The following SRD5A1 variants were observed in gnomAD, a reference collection of about 807,000 sequenced individuals.
SRD5A1 encodes the protein steroid 5 alpha-reductase 1.
Under a neutral mutation model 28.2 loss-of-function variants are expected in SRD5A1, and 22 were observed. The observed-to-expected ratio is 0.78, with a 90% CI of 0.56 to 1.12. The LOEUF (loss-of-function observed/expected upper bound fraction) is 1.12, where lower values mean the gene tolerates loss of function less well. SRD5A1 is among the 50% of genes most tolerant of loss of function. The pLI, the probability that SRD5A1 is intolerant of heterozygous loss-of-function variation, is 0.00. For synonymous variants in SRD5A1, 151 were observed against 135.0 expected, an observed-to-expected ratio of 1.12 and a Z score of -0.82; for missense variants, 300 against 346.7, an observed-to-expected ratio of 0.87 and a Z score of 1.07.
chr5:6,637,493 T>TG (rs1375441806), intron 1 of SRD5A1, among the ~76,000 whole-genome samples: 1 of 152,130 alleles, frequency 6.6e-6, no homozygotes. Flanking sequence ...TCGGAGTCGC[T>TG]GGGGGGCTTT....
chr5:6,662,666 G>A (rs962892138), intron 3 of SRD5A1, 150 bp from the exon 4 acceptor site: 77 of 810,718 alleles, frequency 9.5e-5, no homozygotes, highest in African/African-American at 4.5e-4. Flanking sequence ...ACCATGTAAC[G>A]CTGGATATGT....
intron 2 of SRD5A1, among the ~76,000 whole-genome samples, chr5:6,654,434 T>TTTTTTTG (rs1554001872): frequency 1.4e-4 from 21 of 151,458 alleles, no homozygotes; most frequent in African/African-American, 3.6e-4. Context: ...TAAGTTTTTT[T>TTTTTTTG]TTTGTTTGTT....
chr5:6,662,336 T>C (rs1739032507), intron 3 of SRD5A1, among the ~76,000 whole-genome samples: 1 of 152,216 alleles, frequency 6.6e-6, no homozygotes, highest in African/African-American at 2.4e-5. Flanking sequence ...CTGGAGTTCA[T>C]GGTTCTAGAT....
chr5:6,648,154 G>T (rs1177862045), intron 1 of SRD5A1, among the ~76,000 whole-genome samples: 1 of 152,186 alleles, frequency 6.6e-6, no homozygotes, highest in Non-Finnish European at 1.5e-5. Context: ...TCTGCTGTTA[G>T]TCTGATGGGC....
intron 2 of SRD5A1, among the ~76,000 whole-genome samples, chr5:6,654,505 C>T (rs1262782980): frequency 6.6e-6 from 1 of 152,150 alleles, no homozygotes; most frequent in African/African-American, 2.4e-5. Flanking sequence ...GTGATCTTGG[C>T]TCATGGCAAC....
chr5:6,660,139 G>T (rs763120711), intron 3 of SRD5A1, among the ~76,000 whole-genome samples: 1 of 152,162 alleles, frequency 6.6e-6, no homozygotes. Flanking sequence ...CTGAACTAGG[G>T]CTTAGGACAA....
chr5:6,633,822 G>A lies in SRD5A1; in HGVS notation c.246G>A (p.Ala82=). The change falls in exon 1 of 5, where the codon GCG becomes GCA. Residue 82 remains alanine (A), a synonymous_variant. Coordinates refer to ENST00000274192, the MANE Select transcript of SRD5A1 (RefSeq NM_001047.4). ...ASESAPRLRS[A]PNCILLAMFL... ...AGTCCGCCCCGCGTCTCCGCAGCGCGCCCAACTGCATCCTCCTGGCCATGT... is the reference window on the plus strand; with the variant it reads ...AGTCCGCCCCGCGTCTCCGCAGCGCACCCAACTGCATCCTCCTGGCCATGT... 6.3e-6 allele frequency: 10 copies of A among 1,597,850 alleles called. No homozygotes were observed. Among genetic ancestry groups the A allele is most frequent in the Non-Finnish European group, 8.5e-6 (10 of 1,179,656 alleles).
intron 1 of SRD5A1, among the ~76,000 whole-genome samples, chr5:6,638,483 G>T (rs1399450708): frequency 6.6e-6 from 1 of 152,240 alleles, no homozygotes; most frequent in African/African-American, 2.4e-5. Context: ...AGTTCCGGAG[G>T]TTAGTGGGTG....
chr5:6,648,023 A>G (rs1237275395), intron 1 of SRD5A1, among the ~76,000 whole-genome samples: 1 of 152,140 alleles, frequency 6.6e-6, no homozygotes, highest in East Asian at 1.9e-4. Context: ...TCCTTCACTT[A>G]TGAAGCTTAG....
chr5:6,641,129 C>T (rs1738344282), intron 1 of SRD5A1, among the ~76,000 whole-genome samples: 1 of 152,154 alleles, frequency 6.6e-6, no homozygotes, highest in Admixed American at 6.5e-5. Context: ...CAGGTGCACC[C>T]ACCTTCCTTG....
At chr5:6,645,095 C>T (rs1738470886) in intron 1 of SRD5A1, 1 of 420,494 alleles carries the variant, frequency 2.4e-6, no homozygotes, top group Non-Finnish European at 4.8e-6. Context: ...ACCTTGGAGG[C>T]TGCTTTTGAC....
chr5:6,651,715 T>C, intron 1 of SRD5A1, 127 bp from the exon 2 acceptor site: 5 of 874,912 alleles, frequency 5.7e-6, no homozygotes, highest in Non-Finnish European at 8.6e-6. Flanking sequence ...TAAATTAGTA[T>C]AAATGTTACT....
chr5:6,665,614 A>G (rs1049608628), intron 4 of SRD5A1, among the ~76,000 whole-genome samples: 1 of 152,166 alleles, frequency 6.6e-6, no homozygotes, highest in Non-Finnish European at 1.5e-5. Flanking sequence ...CCATCCTTTT[A>G]TATTCCTAAT....
intron 3 of SRD5A1, among the ~76,000 whole-genome samples, chr5:6,660,801 A>C (rs1738977964): frequency 6.6e-6 from 1 of 152,212 alleles, no homozygotes; most frequent in Admixed American, 6.5e-5. Context: ...GTAATTTATG[A>C]AGAGAAAATG....
chr5:6,666,808 C>T (rs904628409), intron 4 of SRD5A1, among the ~76,000 whole-genome samples: 3 of 152,172 alleles, frequency 2.0e-5, no homozygotes, highest in Non-Finnish European at 4.4e-5. Flanking sequence ...TGGGGGGGCG[C>T]GTTTTCTCGG....
chr5:6,637,082 C>T (rs508415), intron 1 of SRD5A1, among the ~76,000 whole-genome samples: 25,859 of 151,996 alleles, frequency 0.17, 2,430 homozygotes, highest in East Asian at 0.23. Flanking sequence ...GATCCCAGGG[C>T]GCTTGGGTTC....
chr5:6,640,425 C>T (rs879579352), intron 1 of SRD5A1, among the ~76,000 whole-genome samples: 2 of 152,198 alleles, frequency 1.3e-5, no homozygotes, highest in African/African-American at 4.8e-5. Context: ...ACTCTCAGTT[C>T]AGCTCCATCA....
intron 1 of SRD5A1, among the ~76,000 whole-genome samples, chr5:6,648,929 G>A (rs1026700824): frequency 2.6e-5 from 4 of 152,092 alleles, no homozygotes; most frequent in Admixed American, 6.5e-5. Flanking sequence ...TGATGTTGGC[G>A]ATATCGATAC....
At chr5:6,650,634 A>T (rs553962026) in intron 1 of SRD5A1, among the ~76,000 whole-genome samples, 2 of 150,506 alleles carry the variant, frequency 1.3e-5, no homozygotes, top group Admixed American at 1.3e-4. Flanking sequence ...ACAGAACGTG[A>T]TCTTTCTTTT....
Sources: allele counts gnomAD v4.1 joint callset (sites outside exome capture counted in the v4.1 genomes callset), GRCh38; gene constraint gnomAD v4.1.1; transcripts MANE v1.5; gene names NCBI Gene and HGNC (gene_info 2026-07-23, HGNC 2026-07-21).